EPG5: variants seen among roughly 807,000 people sequenced by gnomAD.
EPG5 encodes the protein ectopic P granules protein 5 homolog.
A neutral mutation model predicts 302.7 loss-of-function variants in EPG5; 159 were observed. That is an observed-to-expected ratio of 0.53 (90% CI 0.46 to 0.60). The LOEUF (loss-of-function observed/expected upper bound fraction) is 0.60. Among genes scored for constraint, EPG5 ranks in the 20% least tolerant of loss-of-function variants. The pLI is 0.00. For synonymous variants in EPG5, 1,158 were observed against 1,136.8 expected (o/e 1.02, Z -0.37); for missense variants, 2,896 against 3,092.4 (o/e 0.94, Z 1.51).
intron 27 of EPG5, among the ~76,000 whole-genome samples, chr18:45,895,592 G>C (rs1174187624): frequency 6.6e-6 from 1 of 152,162 alleles, no homozygotes; most frequent in African/African-American, 2.4e-5. Flanking sequence ...GCAATTTAAG[G>C]GTTTGAGTTG....
chr18:45,933,343 A>G (rs761326093), intron 11 of EPG5, among the ~76,000 whole-genome samples: 14 of 152,354 alleles, frequency 9.2e-5, no homozygotes, highest in Non-Finnish European at 1.9e-4. Flanking sequence ...AGAGCCCCAT[A>G]AAAGAAAAAA....
chr18:45,866,365 C>T (rs950465563), intron 38 of EPG5, among the ~76,000 whole-genome samples: 3 of 152,162 alleles, frequency 2.0e-5, no homozygotes, highest in African/African-American at 4.8e-5. Flanking sequence ...AGGTGATCCG[C>T]CCACCTTGGC....
At chr18:45,800,988 T>TA in the EPG5 span, among the ~76,000 whole-genome samples, 3 of 152,156 alleles carry the variant, frequency 2.0e-5, no homozygotes, top group Non-Finnish European at 2.9e-5. Context: ...CCTACTTTCT[T>TA]AAATTTTTTT....
chr18:45,922,415 A>T lies in EPG5; in HGVS notation c.3024T>A (p.Pro1008=). 8 of 1,614,206 alleles carry T rather than the reference A, an allele frequency of 5.0e-6. No individual in the cohort carries two copies. The highest frequency in any genetic ancestry group is 6.8e-6 in the Non-Finnish European group (8 of 1,180,030). ...TGCCCGCTTTCACAGCCTTCAAGAG[A>T]GGATGAAACGTGGGTGACTCTGTCA... The part of the protein sequence containing the change: ...PDMTESPTFH[P]LLKAVKAGMP... The change falls in exon 16 of 44, where the codon CCT becomes CCA. Residue 1008 remains proline, a synonymous_variant. Coordinates refer to ENST00000282041, the MANE Select transcript of EPG5 (RefSeq NM_020964.3).
rs149490470 is a variant in EPG5 at position 45,849,205 on chromosome 18, A to C, written c.*3262T>G. 2 of 152,362 alleles carry C rather than the reference A, an allele frequency of 1.3e-5. No individual in the cohort carries two copies. Among genetic ancestry groups the C allele is most frequent in the Non-Finnish European group, 2.9e-5 (2 of 68,074 alleles). 9.4% of individuals were successfully genotyped at this position (152,362 alleles called of 1,614,324 possible). ...CTGAAAATATCTAAAGGTCTGCCTC[A>C]AGGAGGGGCAAGTGAACAGCCCCAG... On this transcript the variant is annotated 3_prime_UTR_variant, in exon 44 of 44. Coordinates refer to ENST00000282041, the MANE Select transcript of EPG5 (RefSeq NM_020964.3).
the EPG5 span, among the ~76,000 whole-genome samples, chr18:45,829,537 C>A: frequency 1.3e-5 from 2 of 152,290 alleles, no homozygotes; most frequent in African/African-American, 4.8e-5. Context: ...CAGGTGAGGT[C>A]GACAGCCAAT....
chr18:45,835,803 A>G, the EPG5 span, among the ~76,000 whole-genome samples: 1 of 152,158 alleles, frequency 6.6e-6, no homozygotes, highest in African/African-American at 2.4e-5. Context: ...CAGGTCCAGC[A>G]CACCTAGAGC....
chr18:45,905,391 A>C (rs1191465491), intron 24 of EPG5, among the ~76,000 whole-genome samples: 2 of 152,182 alleles, frequency 1.3e-5, no homozygotes, highest in African/African-American at 4.8e-5. Flanking sequence ...CCAACTCATT[A>C]TTTCCAAACC....
chr18:45,925,797 C>A lies in EPG5; in HGVS notation c.2659G>T (p.Val887Leu), dbSNP rs775272151. ...ATAACACAGGCCAGTTTATTCTTCA[C>A]CACTGTCAGGTTGTAATTCAATAAC... ...DWLLNYNLTV[V>L]KNKLACVILE... Residue 887 changes from valine to leucine, a missense_variant, in exon 14 of 44, where the codon GTG becomes TTG. By Grantham distance (32) the Val-to-Leu change is conservative (BLOSUM62 1). Coordinates refer to ENST00000282041, the MANE Select transcript of EPG5 (RefSeq NM_020964.3). The A allele has an allele frequency of 1.3e-6, 2 of 1,574,592 alleles. No homozygotes were observed. The highest frequency in any genetic ancestry group is 1.7e-6 in the Non-Finnish European group (2 of 1,164,296).
chr18:45,882,471 C>A lies in EPG5; in HGVS notation c.5321G>T (p.Trp1774Leu). Residue 1774 changes from tryptophan (W) to leucine (L), a missense_variant, in exon 31 of 44, where the codon TGG (tryptophan) becomes TTG (leucine). By Grantham distance (61) the Trp-to-Leu change is moderately conservative. Transcript: ENST00000282041. ...CAGAGGAGGTTTAGTGGCGCTTAAC[C>A]ATTGTTTAAGATCGAACTAAAAAGA... ...MLLTKFDLKQ[W>L]LSATKPPLSD... The A allele has an allele frequency of 6.2e-7, 1 of 1,613,270 alleles. No homozygotes were observed. Among genetic ancestry groups the A allele is most frequent in the Non-Finnish European group, 8.5e-7 (1 of 1,179,772 alleles).
chr18:45,829,207 A>G, the EPG5 span: 1 of 946,090 alleles, frequency 1.1e-6, no homozygotes, highest in Non-Finnish European at 1.3e-6. Context: ...CACCCACGCC[A>G]CAGTCAGCCT....
At chr18:45,941,318 G>A (rs1432533608) in intron 9 of EPG5, among the ~76,000 whole-genome samples, 1 of 152,194 alleles carries the variant, frequency 6.6e-6, no homozygotes, top group African/African-American at 2.4e-5. Context: ...CGTGAGAGAT[G>A]CCAAGTAGGA....
intron 14 of EPG5, among the ~76,000 whole-genome samples, chr18:45,925,318 C>T (rs774893025): frequency 6.6e-6 from 1 of 152,008 alleles, no homozygotes; most frequent in Non-Finnish European, 1.5e-5. Flanking sequence ...CTAAAAAATA[C>T]AAAAATTAGT....
the EPG5 span, among the ~76,000 whole-genome samples, chr18:45,826,056 A>C: frequency 1.3e-5 from 2 of 152,310 alleles, no homozygotes; most frequent in African/African-American, 4.8e-5. Flanking sequence ...CATTGCTGCG[A>C]GCATCCAGAG....
chr18:45,809,915 T>C, the EPG5 span, among the ~76,000 whole-genome samples: 1 of 151,842 alleles, frequency 6.6e-6, no homozygotes, highest in Non-Finnish European at 1.5e-5. Flanking sequence ...ATACATAAGA[T>C]AAATGAAACA....
chr18:45,835,612 C>T, the EPG5 span, among the ~76,000 whole-genome samples: 4 of 152,234 alleles, frequency 2.6e-5, no homozygotes, highest in Non-Finnish European at 5.9e-5. Context: ...GTACTTCATA[C>T]ACTCTTGATG....
chr18:45,818,667 G>T, the EPG5 span, among the ~76,000 whole-genome samples: 2 of 151,064 alleles, frequency 1.3e-5, no homozygotes, highest in South Asian at 4.2e-4. Flanking sequence ...TACCATACAT[G>T]CTGCAAATGT....
intron 1 of EPG5, among the ~76,000 whole-genome samples, chr18:45,959,658 CTAAATAAA>C (rs34272674): frequency 0.026 from 3,618 of 140,922 alleles, 145 homozygotes; most frequent in African/African-American, 0.087. Flanking sequence ...GAGACTGTCT[CTAAATAAA>C]TAAATAAATA....
the EPG5 span, among the ~76,000 whole-genome samples, chr18:45,822,725 A>G: frequency 1.3e-5 from 2 of 152,228 alleles, no homozygotes; most frequent in Non-Finnish European, 1.5e-5. Context: ...GAAGATTTTT[A>G]AAAGAATATC....
Sources: allele counts gnomAD v4.1 joint callset (sites outside exome capture counted in the v4.1 genomes callset), GRCh38; gene constraint gnomAD v4.1.1; transcripts MANE v1.5; gene names NCBI Gene and HGNC (gene_info 2026-07-23, HGNC 2026-07-21).